WWOX: variants seen among roughly 807,000 people sequenced by gnomAD.
The protein encoded by WWOX is WW domain containing oxidoreductase.
In WWOX, 69 loss-of-function variants were observed where a neutral mutation model predicts 46.2. The observed-to-expected ratio is 1.49, with a 90% CI of 1.23 to 1.82. The LOEUF (loss-of-function observed/expected upper bound fraction) is 1.82. Ranked by LOEUF, WWOX falls within the 40% of genes most tolerant of loss-of-function variation. The probability of loss-of-function intolerance (pLI) is 0.00; values close to 1 mark genes in which losing one functional copy is unlikely to be tolerated. For synonymous variants in WWOX, 359 were observed against 202.6 expected, an observed-to-expected ratio of 1.77 and a Z score of -6.56; for missense variants, 919 against 542.6, an observed-to-expected ratio of 1.69 and a Z score of -6.89.
chr16:78,578,383 G>A lies in WWOX; in HGVS notation c.1056+145631G>A, dbSNP rs555683473. 8.6e-5 allele frequency among the ~76,000 whole-genome samples: 12 copies of A among 139,824 alleles called. No individual in the cohort carries two copies. In the East Asian group the frequency reaches 2.2e-3, roughly 26 times the overall value. The allele number at this position is 139,824 out of a possible 152,430, so 91.7% of individuals were successfully genotyped here. A position where few individuals can be genotyped will look rare whatever the true frequency, so the allele number is the denominator to read the frequency against. On this transcript the variant is annotated intron_variant, in intron 8 of 8. Transcript: ENST00000566780. ...CGGCTCACTGCAAGCTCCGCCTCCC[G>A]GGTTCACGCCATTCTCCTGCCTCAG...
At chr16:78,120,540 G>A (rs912420397) in intron 4 of WWOX, among the ~76,000 whole-genome samples, 1 of 149,846 alleles carries the variant, frequency 6.7e-6, no homozygotes, top group Non-Finnish European at 1.5e-5. Context: ...ACTGCAGTCC[G>A]CAGTCCGGCC....
intron 8 of WWOX, among the ~76,000 whole-genome samples, chr16:78,517,100 CG>C (rs1219669019): frequency 1.3e-5 from 2 of 152,054 alleles, no homozygotes; most frequent in African/African-American, 4.8e-5. Context: ...TTTATGAAAT[CG>C]GGGCAGCCAT....
intron 8 of WWOX, among the ~76,000 whole-genome samples, chr16:78,706,702 G>C (rs529142717): frequency 6.6e-6 from 1 of 152,160 alleles, no homozygotes; most frequent in South Asian, 2.1e-4. Context: ...GATCCTTGCA[G>C]TTTCCCTTTT....
Position 79,029,317 on chromosome 16 carries a change from G to A in WWOX, c.1057-182291G>A, listed in dbSNP as rs561753684. Reference sequence around the variant, plus strand: ...TCAGCTGCAGGCATGGGGAAGAGACGCACATCAGCCATTAAGAAAAAGGTA... The same window carrying A: ...TCAGCTGCAGGCATGGGGAAGAGACACACATCAGCCATTAAGAAAAAGGTA... On this transcript the variant is annotated intron_variant, in intron 8 of 8. Transcript: ENST00000566780. Among the ~76,000 whole-genome samples the A allele has an allele frequency of 9.9e-5, 15 of 152,242 alleles. No individual in the cohort carries two copies. In the East Asian group the frequency reaches 1.7e-3, roughly 18 times the overall value.
At chr16:78,727,444 C>T (rs1437332947) in intron 8 of WWOX, among the ~76,000 whole-genome samples, 3 of 152,048 alleles carry the variant, frequency 2.0e-5, no homozygotes, top group South Asian at 4.2e-4. Flanking sequence ...GTCCTCTGGT[C>T]CTGGTGATCT....
At chr16:78,443,866 C>A (rs1422794702) in intron 8 of WWOX, among the ~76,000 whole-genome samples, 1 of 152,056 alleles carries the variant, frequency 6.6e-6, no homozygotes, top group Middle Eastern at 3.2e-3. Context: ...CAATTTCATA[C>A]TTATTTCCAG....
intron 8 of WWOX, among the ~76,000 whole-genome samples, chr16:78,894,245 G>A (rs2151232316): frequency 6.6e-6 from 1 of 152,102 alleles, no homozygotes; most frequent in African/African-American, 2.4e-5. Context: ...TGATCGTTTA[G>A]TTTTAAAGAG....
chr16:78,667,694 G>A (rs1239366961), intron 8 of WWOX, among the ~76,000 whole-genome samples: 25 of 134,842 alleles, frequency 1.9e-4, no homozygotes, highest in Non-Finnish European at 1.9e-4. Flanking sequence ...AAAAAAAAAA[G>A]ATAATGATGA....
At chr16:78,826,358 A>G (rs1024343566) in intron 8 of WWOX, among the ~76,000 whole-genome samples, 1 of 152,210 alleles carries the variant, frequency 6.6e-6, no homozygotes, top group South Asian at 2.1e-4. Flanking sequence ...AAACAACAGC[A>G]ACAGAAATGT....
chr16:78,597,085 G>C (rs190510561), intron 8 of WWOX, among the ~76,000 whole-genome samples: 500 of 152,254 alleles, frequency 3.3e-3, no homozygotes, highest in Middle Eastern at 6.8e-3. Context: ...AGGTGCTTAC[G>C]ACCTGGGTGC....
At chr16:79,125,284 C>G (rs963580526) in intron 8 of WWOX, among the ~76,000 whole-genome samples, 2 of 152,142 alleles carry the variant, frequency 1.3e-5, no homozygotes, top group African/African-American at 2.4e-5. Context: ...TTAGAATCTT[C>G]CAAACCTCCG....
At chr16:78,162,842 G>A (rs954513908) in intron 4 of WWOX, among the ~76,000 whole-genome samples, 5 of 151,776 alleles carry the variant, frequency 3.3e-5, no homozygotes, top group South Asian at 2.1e-4. Flanking sequence ...AACTTATTTT[G>A]TAGTTTCCTC....
chr16:78,373,920 T>TG (rs149737048), intron 5 of WWOX, among the ~76,000 whole-genome samples: 8,102 of 152,212 alleles, frequency 0.053, 283 homozygotes, highest in East Asian at 0.12. Flanking sequence ...CCCAAGTAGC[T>TG]GCATTAAATA....
chr16:78,655,130 T>C (rs900271503), intron 8 of WWOX, among the ~76,000 whole-genome samples: 9 of 152,130 alleles, frequency 5.9e-5, no homozygotes, highest in East Asian at 1.9e-4. Flanking sequence ...GAAACTCGGC[T>C]CAAACTAGCT....
chr16:78,548,179 T>TTAACA lies in WWOX; in HGVS notation c.1056+115429_1056+115430insACATA, dbSNP rs1567636505. On this transcript the variant is annotated intron_variant, in intron 8 of 8. Transcript: ENST00000566780. ...AAAAAAAAAAAAAAAAAAAAAAAAATTACGAATTTTGCGAGGACGCAAACA... is the reference window on the plus strand; with the variant it reads ...AAAAAAAAAAAAAAAAAAAAAAAAATTAACATACGAATTTTGCGAGGACGCAAACA... Among the ~76,000 whole-genome samples the TTAACA allele has an allele frequency of 5.0e-5, 6 of 119,414 alleles. 3 individuals carry two copies. Among genetic ancestry groups the TTAACA allele is most frequent in the Non-Finnish European group, 3.5e-5 (2 of 57,476 alleles). 78.3% of individuals were successfully genotyped at this position (119,414 alleles called of 152,430 possible).
At chr16:79,117,096 G>A (rs1186759683) in intron 8 of WWOX, among the ~76,000 whole-genome samples, 2 of 151,954 alleles carry the variant, frequency 1.3e-5, no homozygotes, top group African/African-American at 4.8e-5. Context: ...GAATGCACTG[G>A]CATGACTGCA....
intron 8 of WWOX, among the ~76,000 whole-genome samples, chr16:78,806,296 C>T (rs576325177): frequency 5.3e-5 from 8 of 152,102 alleles, no homozygotes; most frequent in Non-Finnish European, 1.2e-4. Flanking sequence ...GAAGCATTTC[C>T]CTATTCTTTA....
intron 8 of WWOX, among the ~76,000 whole-genome samples, chr16:78,447,537 A>G (rs1260323504): frequency 2.0e-5 from 3 of 152,222 alleles, no homozygotes; most frequent in Non-Finnish European, 4.4e-5. Context: ...GTAATTATTC[A>G]ACTACACTTA....
intron 5 of WWOX, among the ~76,000 whole-genome samples, chr16:78,253,567 C>T (rs114397357): frequency 1.5e-3 from 234 of 152,230 alleles, no homozygotes; most frequent in African/African-American, 5.3e-3. Context: ...GTGCTTTGAC[C>T]GTCTTCTCAT....
Sources: allele counts gnomAD v4.1 joint callset (sites outside exome capture counted in the v4.1 genomes callset), GRCh38; gene constraint gnomAD v4.1.1; transcripts MANE v1.5; gene names NCBI Gene and HGNC (gene_info 2026-07-23, HGNC 2026-07-21).